The following SNX9 variants were observed in gnomAD, a reference collection of about 807,000 sequenced individuals.
SNX9 encodes sorting nexin-9.
A neutral mutation model predicts 89.4 loss-of-function variants in SNX9; 44 were observed. The observed-to-expected ratio is 0.49, with a 90% confidence interval of 0.39 to 0.63. The LOEUF (loss-of-function observed/expected upper bound fraction) is 0.63. SNX9 is among the 30% of genes least tolerant of loss of function. SNX9 has a pLI of 0.00. For synonymous variants in SNX9, 236 were observed against 247.8 expected (o/e 0.95, Z 0.45); for missense variants, 578 against 736.1 (o/e 0.79, Z 2.49).
chr6:157,913,600 A>G (rs1170091824), intron 9 of SNX9, among the ~76,000 whole-genome samples: 1 of 152,102 alleles, frequency 6.6e-6, no homozygotes, highest in Non-Finnish European at 1.5e-5. Context: ...TGCAACCACC[A>G]CTACATTTCA....
At chr6:157,852,732 A>G (rs1193882233) in intron 1 of SNX9, among the ~76,000 whole-genome samples, 2 of 152,060 alleles carry the variant, frequency 1.3e-5, no homozygotes, top group Non-Finnish European at 2.9e-5. Context: ...GCAGACCACC[A>G]TGCCCGGCTA....
At chr6:157,892,475 GAAAA>G (rs983881317) in intron 4 of SNX9, among the ~76,000 whole-genome samples, 15 of 141,982 alleles carry the variant, frequency 1.1e-4, no homozygotes, top group Non-Finnish European at 2.0e-4. Context: ...AGCGTTCCAG[GAAAA>G]AAAAAAACAA....
At chr6:157,871,380 C>CA (rs1027101421) in intron 2 of SNX9, among the ~76,000 whole-genome samples, 12 of 150,954 alleles carry the variant, frequency 7.9e-5, no homozygotes, top group African/African-American at 2.2e-4. Context: ...GACAGTGTCT[C>CA]AAAAAAAAGA....
At chr6:157,916,096 G>A (rs185793085) in intron 9 of SNX9, among the ~76,000 whole-genome samples, 336 of 151,314 alleles carry the variant, frequency 2.2e-3, no homozygotes, top group Admixed American at 4.5e-3. Flanking sequence ...GTGCAGTGGC[G>A]CTATCTCGGC....
intron 1 of SNX9, among the ~76,000 whole-genome samples, chr6:157,851,685 G>C (rs112705464): frequency 0.032 from 4,859 of 152,266 alleles, 199 homozygotes; most frequent in African/African-American, 0.091. Context: ...CACCTCCAGG[G>C]TTCAAGCGAT....
chr6:157,826,865 T>TTATAGTTTATATAATATATAAATATATAC (rs1781364047), intron 1 of SNX9, among the ~76,000 whole-genome samples: 1 of 118,982 alleles, frequency 8.4e-6, no homozygotes, highest in Non-Finnish European at 1.6e-5. Flanking sequence ...TAAATATATA[T>TTATAGTTTATATAATATATAAATATATAC]TATAGTTTAT....
chr6:157,857,833 A>G (rs1782042656), intron 1 of SNX9, among the ~76,000 whole-genome samples: 1 of 152,194 alleles, frequency 6.6e-6, no homozygotes, highest in South Asian at 2.1e-4. Flanking sequence ...ATCTAAAAAT[A>G]TGGGGAGACT....
Position 157,909,986 on chromosome 6 carries a change from G to A in SNX9, c.910G>A (p.Ala304Thr). The A allele has an allele frequency of 1.2e-6, 2 of 1,614,156 alleles. No homozygotes were observed. The highest frequency in any genetic ancestry group is 1.7e-6 in the Non-Finnish European group (2 of 1,180,012). ...GCGTCTCCTGGTTAAGTTTGGGTCA[G>A]CCATTCCAATCCCTTCTCTTCCAGA... ...YERLLVKFGS[A>T]IPIPSLPDKQ... Residue 304 changes from alanine (A) to threonine (T), a missense_variant, in exon 9 of 18, where the codon GCC becomes ACC. Ala to Thr is a moderately conservative substitution (Grantham distance 58). Around this residue, in one of 2 missense-constraint regions of SNX9, gnomAD observed 348 missense variants for 491.4 expected, o/e 0.71. Coordinates refer to ENST00000392185, the MANE Select transcript of SNX9 (RefSeq NM_016224.5).
chr6:157,894,300 G>C (rs1208074012), intron 4 of SNX9, among the ~76,000 whole-genome samples: 1 of 150,330 alleles, frequency 6.7e-6, no homozygotes, highest in African/African-American at 2.4e-5. Flanking sequence ...AGTAGAGATG[G>C]GGTTTCACCG....
chr6:157,863,574 TG>T (rs540973700), intron 1 of SNX9, among the ~76,000 whole-genome samples: 191 of 152,330 alleles, frequency 1.3e-3, no homozygotes, highest in African/African-American at 4.4e-3. Flanking sequence ...AGTTGAAGAA[TG>T]AGTTCTTGAA....
chr6:157,845,984 A>G (rs1010967653), intron 1 of SNX9, among the ~76,000 whole-genome samples: 4 of 152,186 alleles, frequency 2.6e-5, no homozygotes, highest in Non-Finnish European at 5.9e-5. Flanking sequence ...AGTGTTATTG[A>G]TTTGCAAGAA....
chr6:157,901,810 G>GTAGTTACTGTCAGAAAAT, intron 5 of SNX9, 88 bp from the exon 6 acceptor site: 1 of 1,486,816 alleles, frequency 6.7e-7, no homozygotes, highest in East Asian at 2.3e-5. Flanking sequence ...TGCCCAGTAG[G>GTAGTTACTGTCAGAAAAT]TAGTTACTGT....
intron 2 of SNX9, among the ~76,000 whole-genome samples, chr6:157,870,086 T>G (rs1223234447): frequency 6.8e-6 from 1 of 146,216 alleles, no homozygotes; most frequent in Non-Finnish European, 1.5e-5. Context: ...CACTCTCACT[T>G]GCCCTCATCC....
intron 9 of SNX9, among the ~76,000 whole-genome samples, chr6:157,919,401 G>A (rs1480703269): frequency 6.6e-6 from 1 of 151,844 alleles, no homozygotes; most frequent in Non-Finnish European, 1.5e-5. Context: ...TTTTTTCTCT[G>A]TGTTCTTCAT....
At chr6:157,903,705 ACT>A (rs2115172149) in intron 6 of SNX9, among the ~76,000 whole-genome samples, 1 of 152,016 alleles carries the variant, frequency 6.6e-6, no homozygotes, top group South Asian at 2.1e-4. Context: ...GGGGTCTCTG[ACT>A]CTGGTTTTTG....
At chr6:157,912,500 G>C (rs1482098916) in intron 9 of SNX9, among the ~76,000 whole-genome samples, 4 of 152,196 alleles carry the variant, frequency 2.6e-5, no homozygotes, top group Non-Finnish European at 5.9e-5. Flanking sequence ...TCGGTGTGAA[G>C]AAAGTTGAGC....
intron 1 of SNX9, among the ~76,000 whole-genome samples, chr6:157,847,979 C>T (rs1175056687): frequency 6.6e-6 from 1 of 152,148 alleles, no homozygotes; most frequent in Non-Finnish European, 1.5e-5. Context: ...CCCACATTCT[C>T]CCTAGCCCCT....
chr6:157,876,752 T>A (rs1387050025), intron 4 of SNX9, among the ~76,000 whole-genome samples: 1 of 152,224 alleles, frequency 6.6e-6, no homozygotes, highest in Non-Finnish European at 1.5e-5. Flanking sequence ...CTGAGCCTCA[T>A]TGCCGTTTGA....
chr6:157,863,017 T>G (rs1466086667), intron 1 of SNX9, among the ~76,000 whole-genome samples: 1 of 152,240 alleles, frequency 6.6e-6, no homozygotes, highest in Non-Finnish European at 1.5e-5. Context: ...CTGTTTCTCT[T>G]TGTCATTCTG....
Sources: gnomAD v4.1 joint callset for allele counts (sites outside exome capture counted in the v4.1 genomes callset) on GRCh38, gnomAD v4.1.1 for gene constraint, gnomAD v4.1.1 regional missense constraint, MANE v1.5 for transcripts, NCBI Gene and HGNC (gene_info 2026-07-23, HGNC 2026-07-21) for gene names.